The following ABCC4 variants were observed in gnomAD, a reference collection of about 807,000 sequenced individuals.
ABCC4 encodes the protein ATP-binding cassette sub-family C member 4.
Under a neutral mutation model 168.5 loss-of-function variants are expected in ABCC4, and 102 were observed. The observed-to-expected ratio is 0.61, with a 90% CI of 0.52 to 0.71. The LOEUF (loss-of-function observed/expected upper bound fraction) is 0.71. Among genes scored for constraint, ABCC4 ranks in the 30% least tolerant of loss-of-function variants. The pLI, the probability that ABCC4 is intolerant of heterozygous loss-of-function variation, is 0.00. For synonymous variants in ABCC4, 617 were observed against 590.7 expected (o/e 1.04, Z -0.65); for missense variants, 1,402 against 1,605.8 (o/e 0.87, Z 2.17).
Position 95,034,699 on chromosome 13 carries a change from T to C in ABCC4, c.3776A>G (p.Tyr1259Cys), listed in dbSNP as rs148827070. 2 of 1,614,138 alleles carry C rather than the reference T, an allele frequency of 1.2e-6. No individual in the cohort carries two copies. The highest frequency in any genetic ancestry group is 2.7e-5 in the African/African-American group (2 of 74,948). ...GCTCTCTTTATTTTGCAGCAAAACA[T>C]ACGGCTCATCATATTCTTTCAGTCT... ...SGRLKEYDEPYVLLQNKESLF... is the reference protein window; with the variant it reads ...SGRLKEYDEPCVLLQNKESLF... Residue 1259 changes from tyrosine to cysteine, a missense_variant, in exon 30 of 31, where the codon TAT (tyrosine) becomes TGT (cysteine). Transcript: ENST00000645237.
At chr13:95,111,082 C>T (rs764759281) in intron 20 of ABCC4, among the ~76,000 whole-genome samples, 7 of 151,232 alleles carry the variant, frequency 4.6e-5, no homozygotes, top group Non-Finnish European at 7.4e-5. Context: ...TGTTGATTTA[C>T]GCAAACATAC....
At chr13:95,134,288 T>C (rs547408925) in intron 19 of ABCC4, among the ~76,000 whole-genome samples, 109 of 152,298 alleles carry the variant, frequency 7.2e-4, no homozygotes, top group Middle Eastern at 6.8e-3. Flanking sequence ...CGTACAAACA[T>C]TCTCTATACT....
In ABCC4 at chr13:95,021,454, G is replaced by T; in HGVS notation, c.*121C>A. The T allele has an allele frequency of 1.7e-6, 1 of 588,918 alleles. No individual in the cohort carries two copies. The allele number at this position is 588,918 out of a possible 1,614,324, so 36.5% of individuals were successfully genotyped here. ...GATAAGTTGGGAGAAATATTCAAAT[G>T]AACTAGCATCTTGTATGTATAAATA... On this transcript the variant is annotated 3_prime_UTR_variant, in exon 31 of 31. Transcript: ENST00000645237.
chr13:95,171,512 C>T (rs1271614190), intron 13 of ABCC4, among the ~76,000 whole-genome samples: 1 of 150,580 alleles, frequency 6.6e-6, no homozygotes. Flanking sequence ...GCCGTCATCA[C>T]ACCACTGCAC....
At chr13:95,078,426 CAAAA>C (rs1566398244) in intron 21 of ABCC4, among the ~76,000 whole-genome samples, 3 of 22,648 alleles carry the variant, frequency 1.3e-4, no homozygotes, top group Non-Finnish European at 3.9e-4. Context: ...AAAACAAAAA[CAAAA>C]GCAAGAAAAC....
chr13:95,224,842 GA>G (rs1370363390), intron 4 of ABCC4, among the ~76,000 whole-genome samples: 1 of 152,094 alleles, frequency 6.6e-6, no homozygotes, highest in Non-Finnish European at 1.5e-5. Context: ...AAGAGCACCA[GA>G]AATAGTAATT....
At chr13:95,138,157 A>G (rs2036199979) in intron 19 of ABCC4, among the ~76,000 whole-genome samples, 1 of 152,226 alleles carries the variant, frequency 6.6e-6, no homozygotes, top group African/African-American at 2.4e-5. Context: ...TTTACCAATT[A>G]AAACTTTACT....
chr13:95,075,940 T>G (rs182017498), intron 21 of ABCC4, among the ~76,000 whole-genome samples: 10 of 152,320 alleles, frequency 6.6e-5, no homozygotes, highest in Non-Finnish European at 1.5e-5. Flanking sequence ...AATTCTCTGT[T>G]AAGAGTACTC....
chr13:95,235,824 G>T (rs987487496), intron 3 of ABCC4, among the ~76,000 whole-genome samples: 1 of 152,168 alleles, frequency 6.6e-6, no homozygotes, highest in Non-Finnish European at 1.5e-5. Context: ...CTGCCACTTT[G>T]GCTCAGGTAG....
At chr13:95,168,502 AC>A (rs1349553946) in intron 14 of ABCC4, among the ~76,000 whole-genome samples, 1 of 152,148 alleles carries the variant, frequency 6.6e-6, no homozygotes, top group Non-Finnish European at 1.5e-5. Context: ...ATCATTATAT[AC>A]CCCGTTTGTT....
chr13:95,141,719 G>A (rs1191026512), intron 19 of ABCC4, among the ~76,000 whole-genome samples: 1 of 152,198 alleles, frequency 6.6e-6, no homozygotes, highest in East Asian at 1.9e-4. Flanking sequence ...GGAGCCAGTT[G>A]CTCCCTCAAC....
intron 20 of ABCC4, among the ~76,000 whole-genome samples, chr13:95,096,580 T>C (rs2034606117): frequency 6.6e-6 from 1 of 152,086 alleles, no homozygotes; most frequent in South Asian, 2.1e-4. Context: ...TCATAATGTA[T>C]AGTGCAACAA....
Position 95,206,633 on chromosome 13 carries a change from C to CTGGCTGTGAT in ABCC4, c.1059_1060insATCACAGCCA (p.Ala354IlefsTer24). On this transcript the variant is annotated frameshift_variant, in exon 8 of 31. Coordinates refer to ENST00000645237, the MANE Select transcript of ABCC4 (RefSeq NM_005845.5). LOFTEE classifies it high-confidence loss of function. ...CGCACAGCCCCATACAGCGTCACTG[C>CTGGCTGTGAT]CACGAACACGCGGCTGGCTGTGATC... is the stretch of plus-strand genomic sequence containing the variant. The CTGGCTGTGAT allele has an allele frequency of 6.2e-7, 1 of 1,614,150 alleles. No homozygotes were observed. Among genetic ancestry groups the CTGGCTGTGAT allele is most frequent in the Non-Finnish European group, 8.5e-7 (1 of 1,180,032 alleles).
chr13:95,100,463 T>C (rs1010083081), intron 20 of ABCC4, among the ~76,000 whole-genome samples: 11 of 152,162 alleles, frequency 7.2e-5, no homozygotes, highest in Non-Finnish European at 1.5e-4. Context: ...ACCCAACCAT[T>C]GCATCTTTCA....
intron 10 of ABCC4, 67 bp downstream of exon 10, chr13:95,188,386 C>G: frequency 6.9e-7 from 1 of 1,458,820 alleles, no homozygotes. Context: ...TAGCCTTGGG[C>G]TCAAACCCAC....
chr13:95,142,874 A>C (rs1339865060), intron 19 of ABCC4, among the ~76,000 whole-genome samples: 1 of 152,162 alleles, frequency 6.6e-6, no homozygotes, highest in Non-Finnish European at 1.5e-5. Context: ...AAGAAAGCAA[A>C]TCTCTTAAAT....
intron 23 of ABCC4, chr13:95,073,641 A>G (rs2033805497): frequency 5.1e-6 from 1 of 197,248 alleles, no homozygotes; most frequent in East Asian, 1.3e-4. Context: ...TCTACGTGCA[A>G]TGCAACCACA....
intron 19 of ABCC4, among the ~76,000 whole-genome samples, chr13:95,116,964 T>C (rs1232225274): frequency 2.6e-5 from 4 of 152,176 alleles, no homozygotes; most frequent in Admixed American, 2.0e-4. Context: ...GGGGCCTTTA[T>C]ACCAGGCTGC....
intron 1 of ABCC4, among the ~76,000 whole-genome samples, chr13:95,281,299 C>CAAAAAA (rs10541756): frequency 2.1e-5 from 1 of 48,706 alleles, no homozygotes; most frequent in Non-Finnish European, 3.6e-5. Context: ...GAGACTCTCT[C>CAAAAAA]AAAAAAAAAA....
Sources: allele counts gnomAD v4.1 joint callset (sites outside exome capture counted in the v4.1 genomes callset), GRCh38; gene constraint gnomAD v4.1.1; transcripts MANE v1.5; gene names NCBI Gene and HGNC (gene_info 2026-07-23, HGNC 2026-07-21).